IL6R: variants seen among roughly 807,000 people sequenced by gnomAD.
IL6R encodes the protein interleukin-6 receptor subunit alpha.
In IL6R, 38 loss-of-function variants were observed where a neutral mutation model predicts 48.3. The ratio of observed to expected loss-of-function variants is 0.79; its 90% CI spans 0.61 to 1.03. IL6R has a LOEUF of 1.03. Ranked by LOEUF, IL6R falls within the 50% of genes least tolerant of loss-of-function variation. IL6R has a pLI of 0.00. For synonymous variants in IL6R, 264 were observed against 256.2 expected (o/e 1.03, Z -0.29); for missense variants, 534 against 618.3 (o/e 0.86, Z 1.45).
At chr1:154,435,264 C>T (rs926944262) in intron 5 of IL6R, 108 bp downstream of exon 5, 19 of 1,026,372 alleles carry the variant, frequency 1.9e-5, no homozygotes, top group Non-Finnish European at 2.2e-5. Context: ...AATCCCGGCC[C>T]TTTGGGAGGC....
At chr1:154,414,247 A>G in intron 1 of IL6R, 1 of 504,050 alleles carries the variant, frequency 2.0e-6, no homozygotes, top group South Asian at 2.6e-5. Context: ...TTCCCATTCC[A>G]ATATTTTATT....
At chr1:154,434,377 T>G in intron 3 of IL6R, 142 bp from the exon 4 acceptor site, 6 of 655,508 alleles carry the variant, frequency 9.2e-6, no homozygotes, top group Non-Finnish European at 1.6e-5. Context: ...TATTTTCAAA[T>G]GAGAAAAGGA....
chr1:154,455,405 G>A (rs1351361266), intron 9 of IL6R, among the ~76,000 whole-genome samples: 1 of 150,990 alleles, frequency 6.6e-6, no homozygotes, highest in Non-Finnish European at 1.5e-5. Context: ...GCTAAGGAGT[G>A]TCTGTTGGAG....
At chr1:154,462,882 A>T (rs1216011176) in intron 9 of IL6R, among the ~76,000 whole-genome samples, 1 of 152,144 alleles carries the variant, frequency 6.6e-6, no homozygotes, top group East Asian at 1.9e-4. Flanking sequence ...ATCTCAGCAC[A>T]CTGCAACCTC....
chr1:154,449,560 C>A (rs930737594), intron 7 of IL6R, among the ~76,000 whole-genome samples: 9 of 152,192 alleles, frequency 5.9e-5, no homozygotes, highest in African/African-American at 2.2e-4. Flanking sequence ...GGTGACATAG[C>A]TCGTAAGTGG....
At chr1:154,451,304 G>A (rs1690566613) in intron 8 of IL6R, among the ~76,000 whole-genome samples, 1 of 152,092 alleles carries the variant, frequency 6.6e-6, no homozygotes. Context: ...AATCACCTGA[G>A]GTCAGGAGTT....
intron 6 of IL6R, among the ~76,000 whole-genome samples, chr1:154,442,709 C>G (rs138617882): frequency 2.1e-3 from 323 of 152,280 alleles, no homozygotes; most frequent in African/African-American, 7.1e-3. Context: ...AGCGGGAGTT[C>G]TGAATTTATC....
At chr1:154,453,202 T>G (rs1690682695) in intron 8 of IL6R, among the ~76,000 whole-genome samples, 1 of 151,992 alleles carries the variant, frequency 6.6e-6, no homozygotes, top group Non-Finnish European at 1.5e-5. Flanking sequence ...CGAGACTCCA[T>G]TTCAAAAAAA....
chr1:154,452,083 G>C (rs1241481164), intron 8 of IL6R, among the ~76,000 whole-genome samples: 1 of 152,048 alleles, frequency 6.6e-6, no homozygotes, highest in Non-Finnish European at 1.5e-5. Context: ...CCAACACCCA[G>C]TCCAGCCCCT....
At chr1:154,456,415 C>T (rs1241301863) in intron 9 of IL6R, among the ~76,000 whole-genome samples, 1 of 152,038 alleles carries the variant, frequency 6.6e-6, no homozygotes, top group Non-Finnish European at 1.5e-5. Flanking sequence ...TCATGTTGGC[C>T]AGGCTGGTCT....
At chr1:154,445,929 G>C (rs59363843) in intron 6 of IL6R, among the ~76,000 whole-genome samples, 4,046 of 151,806 alleles carry the variant, frequency 0.027, 173 homozygotes, top group African/African-American at 0.091. Context: ...TCTTCTTCTT[G>C]TTTTCTTCTT....
chr1:154,437,439 G>A (rs1258160301), intron 6 of IL6R: 2 of 385,344 alleles, frequency 5.2e-6, no homozygotes, highest in South Asian at 1.8e-5. Context: ...TTGAAGACAG[G>A]CTTTCTCCTC....
At chr1:154,448,889 T>TTTG in intron 7 of IL6R, among the ~76,000 whole-genome samples, 1 of 135,432 alleles carries the variant, frequency 7.4e-6, no homozygotes, top group Non-Finnish European at 1.6e-5. Context: ...TTTTTTTTTT[T>TTTG]TTTTTTTTTT....
At chr1:154,442,613 T>C (rs1690002315) in intron 6 of IL6R, among the ~76,000 whole-genome samples, 1 of 152,144 alleles carries the variant, frequency 6.6e-6, no homozygotes, top group Non-Finnish European at 1.5e-5. Flanking sequence ...AGGATAGCCT[T>C]TTGTATGAAG....
intron 9 of IL6R, among the ~76,000 whole-genome samples, chr1:154,457,616 C>T (rs11265618): frequency 0.21 from 32,131 of 152,112 alleles, 3,856 homozygotes; most frequent in African/African-American, 0.33. Flanking sequence ...ATTTCCAAGT[C>T]TGCAGAAAAG....
chr1:154,448,670 C>G (rs896205540), intron 7 of IL6R, among the ~76,000 whole-genome samples: 1 of 152,106 alleles, frequency 6.6e-6, no homozygotes, highest in Non-Finnish European at 1.5e-5. Context: ...AGGGAAGGAG[C>G]CTGGGGCTCT....
intron 1 of IL6R, among the ~76,000 whole-genome samples, chr1:154,411,971 G>GA (rs1175735241): frequency 7.4e-6 from 1 of 134,916 alleles, no homozygotes; most frequent in African/African-American, 2.8e-5. Context: ...TTTTTGAGAT[G>GA]GAGTCTTGCT....
intron 6 of IL6R, 33 bp downstream of exon 6, chr1:154,436,143 G>A: frequency 6.4e-7 from 1 of 1,570,910 alleles, no homozygotes; most frequent in Non-Finnish European, 8.7e-7. Flanking sequence ...AGGAAGGGAT[G>A]TTTCAACTGT....
At chr1:154,414,824 A>G in intron 1 of IL6R, 1 of 753,156 alleles carries the variant, frequency 1.3e-6, no homozygotes, top group East Asian at 2.6e-5. Context: ...GACAGCAGGA[A>G]GAGGAGATTG....
Sources: allele counts gnomAD v4.1 joint callset (sites outside exome capture counted in the v4.1 genomes callset), GRCh38; gene constraint gnomAD v4.1.1; transcripts MANE v1.5; gene names NCBI Gene and HGNC (gene_info 2026-07-23, HGNC 2026-07-21).